The following TTC12 variants were observed in gnomAD, a reference collection of about 807,000 sequenced individuals.
TTC12 encodes the protein tetratricopeptide repeat protein 12.
Under a neutral mutation model 90.1 loss-of-function variants are expected in TTC12, and 70 were observed. That is an observed-to-expected ratio of 0.78 (90% CI 0.64 to 0.95). The LOEUF is 0.95. TTC12 is among the 40% of genes least tolerant of loss of function. The pLI is 0.00. For synonymous variants in TTC12, 296 were observed against 311.5 expected (o/e 0.95, Z 0.53); for missense variants, 819 against 846.1 (o/e 0.97, Z 0.40).
chr11:113,365,524 A>T, intron 21 of TTC12: 1 of 204,212 alleles, frequency 4.9e-6, no homozygotes, highest in East Asian at 1.0e-4. Flanking sequence ...ATGTTCATGC[A>T]GGAGAAAACA....
rs1947633756 is a variant in TTC12 at position 113,325,554 on chromosome 11, C to T, written c.353C>T (p.Ala118Val). 3.7e-6 allele frequency: 6 copies of T among 1,613,768 alleles called. No individual in the cohort carries two copies. The South Asian group carries it at 4.4e-5, about 12-fold the overall frequency. Residue 118 changes from alanine (A) to valine (V), a missense_variant, in exon 6 of 22, where the codon GCT becomes GTT. Ala to Val is a moderately conservative substitution (Grantham distance 64). Transcript: ENST00000529221. Reference protein sequence around the residue: ...ALKEKGNEAFAEGNYETAILR... With the variant: ...ALKEKGNEAFVEGNYETAILR... ...AAAGAAAAAGGGAATGAAGCATTTG[C>T]TGAAGGCAATTATGAAACAGCTATC...
intron 21 of TTC12, among the ~76,000 whole-genome samples, chr11:113,372,342 A>T (rs1297061104): frequency 6.6e-6 from 1 of 152,208 alleles, no homozygotes; most frequent in Non-Finnish European, 1.5e-5. Context: ...CCACCTTCTA[A>T]GCCATCATGC....
In TTC12 at chr11:113,359,994, G is replaced by T; in HGVS notation, c.1600G>T (p.Gly534Ter). The part of the protein sequence containing the change: ...RCLSLLNSQD[G>*]GILTRAAGVL... The stretch of plus-strand genomic sequence containing the variant: ...CCTGTCTTTACTAAACAGCCAGGAT[G>T]GAGGAATCCTGACAGTAAGTTTCTC... The change falls in exon 18 of 22, where the codon GGA becomes TGA. Residue 534 changes from glycine to a stop codon, truncating the protein, a stop_gained. Coordinates refer to ENST00000529221, the MANE Select transcript of TTC12 (RefSeq NM_017868.4). LOFTEE classifies it high-confidence loss of function. The T allele has an allele frequency of 6.3e-7, 1 of 1,597,052 alleles. No homozygotes were observed. Among genetic ancestry groups the T allele is most frequent in the Non-Finnish European group, 8.5e-7 (1 of 1,171,720 alleles).
chr11:113,350,284 G>T, intron 14 of TTC12, 119 bp downstream of exon 14: 6 of 744,186 alleles, frequency 8.1e-6, no homozygotes, highest in East Asian at 2.8e-5. Flanking sequence ...AGTATTGCAA[G>T]ATTCACTGAG....
intron 8 of TTC12, among the ~76,000 whole-genome samples, chr11:113,335,955 G>A (rs1490364637): frequency 3.3e-5 from 5 of 152,248 alleles, no homozygotes; most frequent in African/African-American, 7.2e-5. Flanking sequence ...GAATAGCAGG[G>A]CCGTATGGTA....
At chr11:113,363,021 G>C (rs948019567) in intron 19 of TTC12, among the ~76,000 whole-genome samples, 3 of 152,216 alleles carry the variant, frequency 2.0e-5, no homozygotes, top group Admixed American at 6.5e-5. Context: ...TCACCTGCAA[G>C]GGCGAAGGGG....
Position 113,340,675 on chromosome 11 carries a change from A to G in TTC12, c.838A>G (p.Thr280Ala). 9 of 1,614,076 alleles carry G rather than the reference A, an allele frequency of 5.6e-6. No homozygotes were observed. Among genetic ancestry groups the G allele is most frequent in the Non-Finnish European group, 7.6e-6 (9 of 1,179,948 alleles). The change falls in exon 11 of 22, where the codon ACT (threonine) becomes GCT (alanine). Residue 280 changes from threonine to alanine, a missense_variant. Thr to Ala is a moderately conservative substitution (Grantham distance 58, BLOSUM62 0). Coordinates refer to ENST00000529221, the MANE Select transcript of TTC12 (RefSeq NM_017868.4). Reference protein sequence around the residue: ...TEMINECTEQTLFRMHNGFSI... With the variant: ...TEMINECTEQALFRMHNGFSI... ...TGTATCTGTTTCAGGCACAGAACAA[A>G]CTTTATTCAGAATGCACAATGGATT...
intron 6 of TTC12, 131 bp from the exon 7 acceptor site, chr11:113,329,789 C>A (rs1451421660): frequency 5.1e-6 from 4 of 791,814 alleles, no homozygotes; most frequent in African/African-American, 1.7e-5. Context: ...TGTTTCCTGG[C>A]AGGACCATGA....
intron 6 of TTC12, among the ~76,000 whole-genome samples, chr11:113,327,954 G>A (rs926197514): frequency 1.9e-4 from 29 of 152,182 alleles, no homozygotes; most frequent in African/African-American, 6.8e-4. Flanking sequence ...TTCATTTGCT[G>A]GCTGTTGCCT....
rs567846839 is a variant in TTC12, at chr11:113,323,499, C to A, written c.222+48C>A. ...TATATAAGTACTTACAGTGAGAAGACCTACACCTAGGCAGTAGTTTAATCT... is the reference window on the plus strand; with the variant it reads ...TATATAAGTACTTACAGTGAGAAGAACTACACCTAGGCAGTAGTTTAATCT... On this transcript the variant is annotated intron_variant, in intron 3 of 21. Transcript: ENST00000529221. The A allele has an allele frequency of 2.9e-4, 388 of 1,318,954 alleles. 4 individuals carry two copies. In the South Asian group the frequency reaches 7.2e-3, roughly 24 times the overall value. The allele number at this position is 1,318,954 out of a possible 1,614,324, so 81.7% of individuals were successfully genotyped here. A position where few individuals can be genotyped will look rare whatever the true frequency, so the allele number is the denominator to read the frequency against.
chr11:113,344,590 C>A (rs1188405152), intron 13 of TTC12, 150 bp downstream of exon 13: 61 of 807,790 alleles, frequency 7.6e-5, no homozygotes, highest in Non-Finnish European at 6.8e-5. Flanking sequence ...GTCATGAGGA[C>A]CTCTGGGACA....
At chr11:113,365,246 A>T (rs1276764696) in intron 21 of TTC12, among the ~76,000 whole-genome samples, 186 bp downstream of exon 21, 1 of 152,152 alleles carries the variant, frequency 6.6e-6, no homozygotes, top group Non-Finnish European at 1.5e-5. Flanking sequence ...GAAACTGGGG[A>T]GCTCTCGGTC....
chr11:113,354,217 G>T (rs1473128015), intron 16 of TTC12, among the ~76,000 whole-genome samples: 1 of 151,910 alleles, frequency 6.6e-6, no homozygotes, highest in Non-Finnish European at 1.5e-5. Flanking sequence ...TTTTCTTTTG[G>T]TGGCAATTAT....
intron 7 of TTC12, among the ~76,000 whole-genome samples, chr11:113,331,939 T>C (rs1555142702): frequency 1.3e-5 from 2 of 152,244 alleles, no homozygotes; most frequent in Admixed American, 1.3e-4. Flanking sequence ...ATGTTGCAGC[T>C]GTGAATTAAA....
chr11:113,338,229 T>C (rs1948486549), intron 8 of TTC12, among the ~76,000 whole-genome samples: 1 of 152,224 alleles, frequency 6.6e-6, no homozygotes, highest in African/African-American at 2.4e-5. Context: ...ACTTTCTATC[T>C]AGCAGTTTCC....
chr11:113,364,614 G>A (rs534551106), intron 20 of TTC12: 81 of 562,084 alleles, frequency 1.4e-4, no homozygotes, highest in Non-Finnish European at 2.2e-4. Context: ...GCTGGGCACT[G>A]TTCTAGGAAG....
intron 16 of TTC12, among the ~76,000 whole-genome samples, chr11:113,353,077 A>C (rs1175545129): frequency 6.6e-6 from 1 of 152,076 alleles, no homozygotes; most frequent in Non-Finnish European, 1.5e-5. Context: ...ACTACTTCAC[A>C]CTCCGACCAA....
intron 13 of TTC12, among the ~76,000 whole-genome samples, chr11:113,345,624 C>G (rs1021724964): frequency 5.9e-5 from 9 of 152,218 alleles, no homozygotes; most frequent in Non-Finnish European, 8.8e-5. Context: ...CCAGTCGCAG[C>G]CTCAGTGGCT....
chr11:113,337,249 G>T (rs1948424670), intron 8 of TTC12, among the ~76,000 whole-genome samples: 1 of 152,184 alleles, frequency 6.6e-6, no homozygotes, highest in African/African-American at 2.4e-5. Flanking sequence ...GAATACATCA[G>T]TGAAACTAGA....
Sources: gnomAD v4.1 joint callset for allele counts (sites outside exome capture counted in the v4.1 genomes callset) on GRCh38, gnomAD v4.1.1 for gene constraint, MANE v1.5 for transcripts, NCBI Gene and HGNC (gene_info 2026-07-23, HGNC 2026-07-21) for gene names.